ROBO1: variants seen among roughly 807,000 people sequenced by gnomAD.
The protein encoded by ROBO1 is roundabout guidance receptor 1.
In ROBO1, 149 loss-of-function variants were observed where a neutral mutation model predicts 195.9. The ratio of observed to expected loss-of-function variants is 0.76; its 90% CI spans 0.67 to 0.87. ROBO1 has a LOEUF of 0.87. Ranked by LOEUF, ROBO1 falls within the 40% of genes least tolerant of loss-of-function variation. The pLI, the probability that ROBO1 is intolerant of heterozygous loss-of-function variation, is 0.00. For missense variants in ROBO1, 1,933 were observed against 2,068.3 expected, an observed-to-expected ratio of 0.93 and a Z score of 1.27; for synonymous variants, 816 against 733.2, an observed-to-expected ratio of 1.11 and a Z score of -1.82.
At chr3:78,816,902 C>T (rs1279893158) in intron 4 of ROBO1, among the ~76,000 whole-genome samples, 1 of 151,930 alleles carries the variant, frequency 6.6e-6, no homozygotes, top group East Asian at 1.9e-4. Context: ...GTTGAAATGG[C>T]CACAAAGGAT....
intron 29 of ROBO1, among the ~76,000 whole-genome samples, chr3:78,602,049 T>A (rs905626893): frequency 1.3e-4 from 18 of 134,212 alleles, no homozygotes; most frequent in Middle Eastern, 4.1e-3. Context: ...TGTGTGAGTG[T>A]GTGTGTGTGT....
intron 3 of ROBO1, among the ~76,000 whole-genome samples, chr3:78,956,294 C>A (rs1006110138): frequency 7.2e-5 from 11 of 151,896 alleles, no homozygotes; most frequent in Non-Finnish European, 5.9e-5. Context: ...ACATTTAATG[C>A]AAAAAGATTA....
In ROBO1 at chr3:79,419,082, G is replaced by A. The variant is rs561675003; in HGVS notation, c.88+170742C>T. 9.9e-5 allele frequency among the ~76,000 whole-genome samples: 15 copies of A among 152,244 alleles called. 1 individual carries two copies. In the East Asian group the frequency reaches 1.2e-3, roughly 12 times the overall value. On this transcript the variant is annotated intron_variant, in intron 2 of 30. Coordinates refer to ENST00000464233, the MANE Select transcript of ROBO1 (RefSeq NM_002941.4). The stretch of plus-strand genomic sequence containing the variant: ...TCAGACAGTATTTGTAGAGAAATCC[G>A]TAGTGAAAGATAAGTTAGTTTTACA...
chr3:79,029,135 T>G (rs1431794208), intron 3 of ROBO1, among the ~76,000 whole-genome samples: 2 of 152,184 alleles, frequency 1.3e-5, no homozygotes, highest in East Asian at 1.9e-4. Flanking sequence ...ATCTGTGTAA[T>G]GTGCATCATA....
In ROBO1 at chr3:79,364,913, A is replaced by G. The variant is rs142916068; in HGVS notation, c.88+224911T>C. Among the ~76,000 whole-genome samples the G allele has an allele frequency of 6.6e-3, 1,007 of 152,322 alleles. 3 individuals carry two copies. Among genetic ancestry groups the G allele is most frequent in the Non-Finnish European group, 0.011 (740 of 68,022 alleles). On this transcript the variant is annotated intron_variant, in intron 2 of 30. Transcript: ENST00000464233. ...AGGTATCAACAGAACCCTGAAAGCC[A>G]TAAGACTACATTTTCTGAAAAGTAG...
At chr3:79,019,198 C>A in intron 3 of ROBO1, 1 of 986,672 alleles carries the variant, frequency 1.0e-6, no homozygotes, top group Non-Finnish European at 1.2e-6. Flanking sequence ...CCCAACATCG[C>A]CCTCGGCCCC....
At chr3:79,599,538 A>G (rs1481552158) in intron 1 of ROBO1, among the ~76,000 whole-genome samples, 1 of 152,038 alleles carries the variant, frequency 6.6e-6, no homozygotes, top group Non-Finnish European at 1.5e-5. Context: ...GATAAACACT[A>G]GTTTCTCTAG....
chr3:78,865,902 CA>C (rs2035146687), intron 4 of ROBO1, among the ~76,000 whole-genome samples: 2 of 152,080 alleles, frequency 1.3e-5, no homozygotes, highest in Non-Finnish European at 2.9e-5. Flanking sequence ...ACCAACATTC[CA>C]ATATAAAGTA....
chr3:79,183,755 G>A (rs2108739553), intron 2 of ROBO1, among the ~76,000 whole-genome samples: 1 of 152,314 alleles, frequency 6.6e-6, no homozygotes, highest in African/African-American at 2.4e-5. Context: ...GGAACAGAAA[G>A]GAGACACATA....
chr3:79,090,166 CTGACCTCG>C (rs1162182822), intron 3 of ROBO1, among the ~76,000 whole-genome samples: 3 of 152,040 alleles, frequency 2.0e-5, no homozygotes, highest in Non-Finnish European at 2.9e-5. Context: ...TCTCGAACTC[CTGACCTCG>C]TGATCCACCC....
chr3:79,735,588 T>C (rs992326969), intron 1 of ROBO1, among the ~76,000 whole-genome samples: 14 of 152,048 alleles, frequency 9.2e-5, no homozygotes, highest in Non-Finnish European at 2.1e-4. Flanking sequence ...GGTCTGACAC[T>C]GGCCGGGCGC....
intron 3 of ROBO1, among the ~76,000 whole-genome samples, chr3:79,061,820 C>T (rs1273355112): frequency 2.6e-5 from 4 of 151,984 alleles, no homozygotes; most frequent in African/African-American, 7.3e-5. Context: ...AAACTGGATC[C>T]CTTCCTTACA....
intron 1 of ROBO1, among the ~76,000 whole-genome samples, chr3:79,690,299 T>C (rs1309364890): frequency 6.6e-6 from 1 of 151,880 alleles, no homozygotes; most frequent in African/African-American, 2.4e-5. Flanking sequence ...ACACAAATCC[T>C]AAAAAGCAAA....
chr3:78,657,823 G>A (rs1707132454), intron 17 of ROBO1, among the ~76,000 whole-genome samples: 2 of 152,162 alleles, frequency 1.3e-5, no homozygotes, highest in Admixed American at 6.5e-5. Flanking sequence ...TGAAAAGGAA[G>A]GAGAGCTTCT....
Position 78,817,768 on chromosome 3 carries a change from C to T in ROBO1, c.500-70868G>A, listed in dbSNP as rs72894464. Among the ~76,000 whole-genome samples, 32 of 152,212 alleles carry T rather than the reference C, an allele frequency of 2.1e-4. No homozygotes were observed. The South Asian group carries it at 6.4e-3, about 31-fold the overall frequency. ...TAAAAAATAGAGCTAGTTAAAGTTG[C>T]CAAGAATTTCAACCATTAGTCAGAG... On this transcript the variant is annotated intron_variant, in intron 4 of 30. Coordinates refer to ENST00000464233, the MANE Select transcript of ROBO1 (RefSeq NM_002941.4).
At chr3:79,363,089 A>AG (rs1491179593) in intron 2 of ROBO1, among the ~76,000 whole-genome samples, 1 of 152,212 alleles carries the variant, frequency 6.6e-6, no homozygotes, top group Non-Finnish European at 1.5e-5. Context: ...TATCAGAAAA[A>AG]GAGAGAGCCA....
chr3:79,596,220 T>A (rs1000191627), intron 1 of ROBO1, among the ~76,000 whole-genome samples: 5 of 151,998 alleles, frequency 3.3e-5, no homozygotes, highest in Non-Finnish European at 7.4e-5. Context: ...ATAATAAATA[T>A]TTTTGAACAG....
At chr3:78,722,196 A>T (rs1429777228) in intron 5 of ROBO1, among the ~76,000 whole-genome samples, 11 of 152,178 alleles carry the variant, frequency 7.2e-5, no homozygotes, top group Admixed American at 5.2e-4. Context: ...ATAGATAGAA[A>T]AACTGTTTCT....
intron 2 of ROBO1, among the ~76,000 whole-genome samples, chr3:79,308,211 T>C (rs1368507227): frequency 1.3e-5 from 2 of 152,180 alleles, no homozygotes; most frequent in African/African-American, 4.8e-5. Context: ...GTAGAAGTTG[T>C]ATAATTTTTG....
Sources: allele counts gnomAD v4.1 joint callset (sites outside exome capture counted in the v4.1 genomes callset), GRCh38; gene constraint gnomAD v4.1.1; transcripts MANE v1.5; gene names NCBI Gene and HGNC (gene_info 2026-07-23, HGNC 2026-07-21).